The following BRIP1 variants were observed in gnomAD, a reference collection of about 807,000 sequenced individuals.
BRIP1 encodes BRCA1 interacting DNA helicase 1, also known as Fanconi anemia group J protein.
Under a neutral mutation model 119.7 loss-of-function variants are expected in BRIP1, and 88 were observed. The ratio of observed to expected loss-of-function variants is 0.74; its 90% confidence interval spans 0.62 to 0.88. The LOEUF is 0.88. BRIP1 is among the 40% of genes least tolerant of loss of function. BRIP1 has a pLI of 0.00. For missense variants in BRIP1, 1,259 were observed against 1,455.4 expected, an observed-to-expected ratio of 0.87 and a Z score of 2.20; for synonymous variants, 443 against 496.5, an observed-to-expected ratio of 0.89 and a Z score of 1.43.
In BRIP1 at chr17:61,861,826, T is replaced by C. The variant is rs2078978580; in HGVS notation, c.-30-257A>G. The stretch of plus-strand genomic sequence containing the variant: ...GACTTCGGGAAAGTTAGTTACCTTC[T>C]CTAAGCCACAGTGACTGCATGTACC... On this transcript the variant is annotated intron_variant, in intron 1 of 19. Transcript: ENST00000259008. The surrounding 1 kb of genome is among the most constrained non-coding windows in gnomAD (Gnocchi z 4.5). The C allele has an allele frequency of 6.1e-6, 3 of 494,466 alleles. No individual in the cohort carries two copies. Among genetic ancestry groups the C allele is most frequent in the African/African-American group, 3.9e-5 (2 of 51,626 alleles). The allele number at this position is 494,466 out of a possible 1,614,324, so 30.6% of individuals were successfully genotyped here. A position where few individuals can be genotyped will look rare whatever the true frequency, so the allele number is the denominator to read the frequency against.
rs2078105413 is a variant in BRIP1 at position 61,808,428 on chromosome 17, A to T, written c.918+39T>A. 1.3e-6 allele frequency: 2 copies of T among 1,556,968 alleles called. No individual in the cohort carries two copies. Among genetic ancestry groups the T allele is most frequent in the East Asian group, 2.2e-5 (1 of 44,572 alleles). ...CATACTGAGTAATTTAAATATTTTC[A>T]GCCTTATTTTTTCTCTAACACAAAA... On this transcript the variant is annotated intron_variant, in intron 7 of 19. Transcript: ENST00000259008. The surrounding 1 kb of genome is among the most constrained non-coding windows in gnomAD (Gnocchi z 4.1).
rs2077512212 is a variant in BRIP1, at chr17:61,774,986, T to G, written c.2097+1415A>C. On this transcript the variant is annotated intron_variant, in intron 14 of 19. Transcript: ENST00000259008. This position sits in a 1 kb window ranked among gnomAD's most constrained non-coding sequence, Gnocchi z 5.8. The stretch of plus-strand genomic sequence containing the variant: ...TTTAGCAATGAAATAAGATTTTGCT[T>G]TAATCGCTTACATAACTGTGGAGTG... 6.6e-6 allele frequency among the ~76,000 whole-genome samples: 1 copy of G among 152,206 alleles called. No homozygotes were observed. Among genetic ancestry groups the G allele is most frequent in the African/African-American group, 2.4e-5 (1 of 41,460 alleles).
Position 61,684,195 on chromosome 17 carries a change from G to A in BRIP1, c.2906-55C>T. On this transcript the variant is annotated intron_variant, in intron 19 of 19. Coordinates refer to ENST00000259008, the MANE Select transcript of BRIP1 (RefSeq NM_032043.3). This position sits in a 1 kb window ranked among gnomAD's most constrained non-coding sequence, Gnocchi z 4.5. ...CTTTCTGCTCCTAGCTAACATAATT[G>A]CTAGGTTAAAATAATTATTTATTAG... is the stretch of plus-strand genomic sequence containing the variant. 1.3e-6 allele frequency: 2 copies of A among 1,571,460 alleles called. No individual in the cohort carries two copies. The highest frequency in any genetic ancestry group is 2.3e-5 in the South Asian group (2 of 87,358).
rs187029400 is a variant in BRIP1, at chr17:61,860,522, T to C, written c.94-615A>G. Reference sequence around the variant, plus strand: ...TAAAAATCCAAAAATTAGCTGGGCGTGGTGGCGCATCCCTGTAATCCCAGC... The same window carrying C: ...TAAAAATCCAAAAATTAGCTGGGCGCGGTGGCGCATCCCTGTAATCCCAGC... On this transcript the variant is annotated intron_variant, in intron 2 of 19. Coordinates refer to ENST00000259008, the MANE Select transcript of BRIP1 (RefSeq NM_032043.3). This position sits in a 1 kb window ranked among gnomAD's most constrained non-coding sequence, Gnocchi z 4.1. Among the ~76,000 whole-genome samples, 6 of 152,232 alleles carry C rather than the reference T, an allele frequency of 3.9e-5. No homozygotes were observed. The East Asian group carries it at 1.2e-3, about 29-fold the overall frequency.
chr17:61,694,706 A>G (rs527396064), intron 17 of BRIP1, among the ~76,000 whole-genome samples: 20 of 152,014 alleles, frequency 1.3e-4, no homozygotes, highest in African/African-American at 4.8e-4. Context: ...CCTTCTAAAA[A>G]TATATCTACC....
chr17:61,853,385 CTCT>C lies in BRIP1; in HGVS notation c.379+3670_379+3672del, dbSNP rs1433190639. Reference sequence around the variant, plus strand: ...CCTCTGGGGTGTTGGTAATGTCTCTCTCTTTTTTTTTTAATCTATGTAGTAGTT... The same window carrying C: ...CCTCTGGGGTGTTGGTAATGTCTCTCTTTTTTTTTAATCTATGTAGTAGTT... On this transcript the variant is annotated intron_variant, in intron 4 of 19. Transcript: ENST00000259008. This position sits in a 1 kb window ranked among gnomAD's most constrained non-coding sequence, Gnocchi z 4.3. 2.9e-5 allele frequency among the ~76,000 whole-genome samples: 4 copies of C among 139,036 alleles called. No individual in the cohort carries two copies. The highest frequency in any genetic ancestry group is 4.9e-4 in the East Asian group (1 of 2,026). The allele number at this position is 139,036 out of a possible 152,430, so 91.2% of individuals were successfully genotyped here. A position where few individuals can be genotyped will look rare whatever the true frequency, so the allele number is the denominator to read the frequency against.
At position 61,724,292 on chromosome 17, in the gene BRIP1, T is replaced by C. The variant is rs2076737736; in HGVS notation, c.2380-8229A>G. 6.6e-6 allele frequency among the ~76,000 whole-genome samples: 1 copy of C among 152,090 alleles called. No individual in the cohort carries two copies. The highest frequency in any genetic ancestry group is 2.4e-5 in the African/African-American group (1 of 41,434). On this transcript the variant is annotated intron_variant, in intron 16 of 19. Coordinates refer to ENST00000259008, the MANE Select transcript of BRIP1 (RefSeq NM_032043.3). The surrounding 1 kb of genome is among the most constrained non-coding windows in gnomAD (Gnocchi z 5.1). ...TCTGATTTTTACCATTATATCATAA[T>C]GTACTTGAGATTGAACAGAAAGTTT...
chr17:61,683,474 A>G lies in BRIP1; in HGVS notation c.3572T>C (p.Ile1191Thr), dbSNP rs2061301543. The G allele has an allele frequency of 1.9e-6, 3 of 1,613,584 alleles. No homozygotes were observed. Among genetic ancestry groups the G allele is most frequent in the South Asian group, 1.1e-5 (1 of 91,066 alleles). ...SAREVKAEDC[I>T]DTKLNGILHI... ...CAGAATTCCATTCAACTTTGTATCT[A>G]TGCAATCCTCAGCTTTCACTTCTCT... The change falls in exon 20 of 20, where the codon ATA becomes ACA. Residue 1191 changes from isoleucine to threonine, a missense_variant. By Grantham distance (89) the Ile-to-Thr change is moderately conservative. Transcript: ENST00000259008. The surrounding 1 kb of genome is among the most constrained non-coding windows in gnomAD (Gnocchi z 4.7).
intron 9 of BRIP1, among the ~76,000 whole-genome samples, chr17:61,797,969 A>G (rs1567828326): frequency 6.6e-6 from 1 of 151,672 alleles, no homozygotes; most frequent in Non-Finnish European, 1.5e-5. Flanking sequence ...TCATCCACCT[A>G]TTGTGTAAAT....
chr17:61,714,504 G>A (rs1055159913), intron 17 of BRIP1, among the ~76,000 whole-genome samples: 1 of 151,980 alleles, frequency 6.6e-6, no homozygotes, highest in Non-Finnish European at 1.5e-5. Context: ...GGAACAATAG[G>A]CTATATCATA....
In BRIP1 at chr17:61,736,339, A is replaced by G. The variant is rs2076918513; in HGVS notation, c.2379+6674T>C. ...CAAGACCTTGTCTATAAAATAAAAT[A>G]AAAATATTTAAATAAATAAATAATA... On this transcript the variant is annotated intron_variant, in intron 16 of 19. Coordinates refer to ENST00000259008, the MANE Select transcript of BRIP1 (RefSeq NM_032043.3). The surrounding 1 kb of genome is among the most constrained non-coding windows in gnomAD (Gnocchi z 4.4). Among the ~76,000 whole-genome samples the G allele has an allele frequency of 6.6e-6, 1 of 152,074 alleles. No individual in the cohort carries two copies. The highest frequency in any genetic ancestry group is 1.5e-5 in the Non-Finnish European group (1 of 67,998).
chr17:61,785,512 T>G (rs2077692504), intron 10 of BRIP1, among the ~76,000 whole-genome samples: 1 of 152,132 alleles, frequency 6.6e-6, no homozygotes, highest in Non-Finnish European at 1.5e-5. Flanking sequence ...CATTTTAATA[T>G]TCAGATATAT....
chr17:61,835,228 T>C (rs1482898896), intron 6 of BRIP1, among the ~76,000 whole-genome samples: 2 of 152,158 alleles, frequency 1.3e-5, no homozygotes, highest in African/African-American at 4.8e-5. Flanking sequence ...TCTAAAAATA[T>C]GGACATCTTG....
chr17:61,826,059 A>G (rs896234927), intron 6 of BRIP1, among the ~76,000 whole-genome samples: 2 of 152,224 alleles, frequency 1.3e-5, no homozygotes, highest in African/African-American at 4.8e-5. Context: ...ACAGATACAT[A>G]GACCAATGAA....
intron 16 of BRIP1, among the ~76,000 whole-genome samples, chr17:61,719,656 C>T (rs1444237248): frequency 2.0e-5 from 3 of 150,202 alleles, no homozygotes; most frequent in Non-Finnish European, 3.0e-5. Flanking sequence ...ACCCAGGAGG[C>T]GGAGGTTGCA....
rs115322434 is a variant in BRIP1, at chr17:61,861,161, A to G, written c.93+286T>C. 0.015 allele frequency among the ~76,000 whole-genome samples: 2,259 copies of G among 152,328 alleles called. 59 individuals are homozygous for G. The highest frequency in any genetic ancestry group is 0.052 in the African/African-American group (2,141 of 41,568). Reference sequence around the variant, plus strand: ...AAAAATAGTATTCTGTGTAAAAGATAGTAAATACTCTGTTTTTACTTAAAA... The same window carrying G: ...AAAAATAGTATTCTGTGTAAAAGATGGTAAATACTCTGTTTTTACTTAAAA... On this transcript the variant is annotated intron_variant, in intron 2 of 19. Transcript: ENST00000259008. The surrounding 1 kb of genome is among the most constrained non-coding windows in gnomAD (Gnocchi z 4.5).
Position 61,844,049 on chromosome 17 carries a change from G to A in BRIP1, c.627+3052C>T, listed in dbSNP as rs532385299. Reference sequence around the variant, plus strand: ...AGGGATCCCCCTCCCTCAGCCTCCTGAGTAGCTAGGACTACAAGTACACAC... The same window carrying A: ...AGGGATCCCCCTCCCTCAGCCTCCTAAGTAGCTAGGACTACAAGTACACAC... On this transcript the variant is annotated intron_variant, in intron 6 of 19. Coordinates refer to ENST00000259008, the MANE Select transcript of BRIP1 (RefSeq NM_032043.3). The surrounding 1 kb of genome is among the most constrained non-coding windows in gnomAD (Gnocchi z 4.7). Among the ~76,000 whole-genome samples, 8 of 151,844 alleles carry A rather than the reference G, an allele frequency of 5.3e-5. 1 individual carries two copies. Among genetic ancestry groups the A allele is most frequent in the East Asian group, 3.9e-4 (2 of 5,128 alleles).
chr17:61,689,711 C>T lies in BRIP1; in HGVS notation c.2576-3546G>A, dbSNP rs1487715065. Among the ~76,000 whole-genome samples the T allele has an allele frequency of 6.6e-6, 1 of 152,120 alleles. No individual in the cohort carries two copies. Among genetic ancestry groups the T allele is most frequent in the Non-Finnish European group, 1.5e-5 (1 of 68,004 alleles). ...GCAACTTGTCATATACAAATGAAGT[C>T]CCATAAGACAGTCACTAGGCCGGGC... On this transcript the variant is annotated intron_variant, in intron 18 of 19. Transcript: ENST00000259008. This position sits in a 1 kb window ranked among gnomAD's most constrained non-coding sequence, Gnocchi z 4.5.
Position 61,822,404 on chromosome 17 carries a change from T to C in BRIP1, c.628-13647A>G, listed in dbSNP as rs2078339920. ...TTTTTCAGGGCTTGCAGAATCATTT[T>C]ACTCAATTTGATAAGATTTTTGTCG... On this transcript the variant is annotated intron_variant, in intron 6 of 19. Coordinates refer to ENST00000259008, the MANE Select transcript of BRIP1 (RefSeq NM_032043.3). This position sits in a 1 kb window ranked among gnomAD's most constrained non-coding sequence, Gnocchi z 4.4. Among the ~76,000 whole-genome samples the C allele has an allele frequency of 6.6e-6, 1 of 152,164 alleles. No individual in the cohort carries two copies. Among genetic ancestry groups the C allele is most frequent in the Non-Finnish European group, 1.5e-5 (1 of 68,024 alleles).
Sources: allele counts gnomAD v4.1 joint callset (sites outside exome capture counted in the v4.1 genomes callset), GRCh38; gene constraint gnomAD v4.1.1; non-coding constraint Gnocchi (gnomAD v3.1); transcripts MANE v1.5; gene names NCBI Gene and HGNC (gene_info 2026-07-23, HGNC 2026-07-21).